Variants in PRSS55 observed in about 807,000 individuals in gnomAD.
The protein encoded by PRSS55 is serine protease 55.
Under a neutral mutation model 23.6 loss-of-function variants are expected in PRSS55, and 41 were observed. The observed-to-expected ratio is 1.74, with a 90% CI of 1.35 to 2.26. PRSS55 has a LOEUF of 2.26. Among genes scored for constraint, PRSS55 ranks in the 30% most tolerant of loss-of-function variants. PRSS55 has a pLI of 0.00. For synonymous variants in PRSS55, 262 were observed against 175.5 expected, an observed-to-expected ratio of 1.49 and a Z score of -3.90; for missense variants, 669 against 439.1, an observed-to-expected ratio of 1.52 and a Z score of -4.68.
chr8:10,536,688 A>ACCG (rs1812467161), intron 4 of PRSS55, among the ~76,000 whole-genome samples: 14 of 143,398 alleles, frequency 9.8e-5, no homozygotes, highest in Admixed American at 3.6e-4. Context: ...GAAGCCATAA[A>ACCG]AAAAAACAAA....
intron 3 of PRSS55, 182 bp downstream of exon 3, chr8:10,531,727 C>A (rs1357475083): frequency 2.8e-6 from 2 of 721,404 alleles, no homozygotes; most frequent in African/African-American, 3.6e-5. Context: ...GACACCAGGT[C>A]TGAGCCAGTC....
chr8:10,543,472 CTTTCTCTCTTTT>C (rs1812725511), downstream of PRSS55, among the ~76,000 whole-genome samples: 1 of 29,212 alleles, frequency 3.4e-5, no homozygotes, highest in Non-Finnish European at 1.0e-4. Flanking sequence ...TCCTTTCTTT[CTTTCTCTCTTTT>C]TTTTTTTTTT....
At chr8:10,543,423 T>TTC (rs1812717370), downstream of PRSS55, among the ~76,000 whole-genome samples, 1 of 71,474 alleles carries the variant, frequency 1.4e-5, no homozygotes, top group Admixed American at 1.4e-4. Context: ...CTTCTTTCTT[T>TTC]CTTCCTTCCT....
chr8:10,536,514 G>C (rs1308635085), intron 4 of PRSS55, among the ~76,000 whole-genome samples: 1 of 152,098 alleles, frequency 6.6e-6, no homozygotes, highest in Non-Finnish European at 1.5e-5. Context: ...CTCAATACTG[G>C]TACAGACCGA....
intron 2 of PRSS55, among the ~76,000 whole-genome samples, chr8:10,530,747 T>C (rs1038926525): frequency 2.0e-5 from 3 of 152,180 alleles, no homozygotes; most frequent in Non-Finnish European, 2.9e-5. Flanking sequence ...AGTTTCTTCA[T>C]GGCATAACCA....
Position 10,531,322 on chromosome 8 carries a change from G to T in PRSS55, c.375G>T (p.Gly125=). 3 of 1,614,068 alleles carry T rather than the reference G, an allele frequency of 1.9e-6. No homozygotes were observed. Among genetic ancestry groups the T allele is most frequent in the South Asian group, 2.2e-5 (2 of 91,056 alleles). ...LFPEELSVVL[G]TNDLTSPSME... ...CAGAAGAACTGAGTGTCGTGCTGGGGACCAACGACTTAACTAGCCCATCCA... is the reference window on the plus strand; with the variant it reads ...CAGAAGAACTGAGTGTCGTGCTGGGTACCAACGACTTAACTAGCCCATCCA... Residue 125 remains glycine (G), a synonymous_variant, in exon 3 of 5, where the codon GGG becomes GGT. Coordinates refer to ENST00000328655, the MANE Select transcript of PRSS55 (RefSeq NM_198464.4).
chr8:10,526,507 G>C (rs1380141142), intron 1 of PRSS55, among the ~76,000 whole-genome samples: 4 of 152,238 alleles, frequency 2.6e-5, no homozygotes, highest in African/African-American at 9.6e-5. Flanking sequence ...CAAGGGGTGG[G>C]AGGCATGAGG....
intron 2 of PRSS55, 117 bp from the exon 3 acceptor site, chr8:10,531,178 T>C: frequency 8.0e-7 from 1 of 1,244,422 alleles, no homozygotes; most frequent in Non-Finnish European, 1.1e-6. Context: ...ACAGCCCCAG[T>C]AGGGTTTAAA....
At chr8:10,535,434 C>A (rs1369862474) in intron 4 of PRSS55, among the ~76,000 whole-genome samples, 7 of 152,306 alleles carry the variant, frequency 4.6e-5, no homozygotes, top group Middle Eastern at 3.4e-3. Context: ...ACCATCTGAT[C>A]TTCATCAAAG....
At chr8:10,550,603 C>G (rs1812930483) in intron 4 of PRSS55, among the ~76,000 whole-genome samples, 1 of 152,168 alleles carries the variant, frequency 6.6e-6, no homozygotes, top group African/African-American at 2.4e-5. Context: ...TCTGCCTCCC[C>G]ACTTCTGAGA....
At position 10,538,645 on chromosome 8, in the gene PRSS55, G is replaced by C. The variant is rs1227505298; in HGVS notation, c.911G>C (p.Arg304Thr). 6.2e-7 allele frequency: 1 copy of C among 1,614,168 alleles called. No individual in the cohort carries two copies. Among genetic ancestry groups the C allele is most frequent in the South Asian group, 1.1e-5 (1 of 91,072 alleles). Residue 304 changes from arginine (R) to threonine (T), a missense_variant, in exon 5 of 5, where the codon AGG becomes ACG. Physicochemically the swap from Arg to Thr is moderately conservative, Grantham distance 71 (BLOSUM62 -1). Coordinates refer to ENST00000328655, the MANE Select transcript of PRSS55 (RefSeq NM_198464.4). The stretch of plus-strand genomic sequence containing the variant: ...GAGAAAGTGACCCAGCTAGAGGGCA[G>C]GCCCTTCAATGCAGAGAAAAGGAGG... ...WIEKVTQLEG[R>T]PFNAEKRRTS...
downstream of PRSS55, among the ~76,000 whole-genome samples, chr8:10,542,644 G>A (rs962715405): frequency 2.6e-5 from 4 of 151,850 alleles, no homozygotes; most frequent in Non-Finnish European, 4.4e-5. Flanking sequence ...GAGGCAGGTG[G>A]ATCACCTGAG....
chr8:10,538,405 T>C, intron 4 of PRSS55, 71 bp from the exon 5 acceptor site: 1 of 1,202,478 alleles, frequency 8.3e-7, no homozygotes, highest in Non-Finnish European at 1.2e-6. Context: ...CTTCCATGAA[T>C]GAGCTGTGCC....
At chr8:10,545,748 G>A (rs1378624970) in intron 4 of PRSS55, among the ~76,000 whole-genome samples, 1 of 152,202 alleles carries the variant, frequency 6.6e-6, no homozygotes, top group Non-Finnish European at 1.5e-5. Context: ...GTTATTCATT[G>A]TCTTGAGCAG....
chr8:10,534,955 A>C (rs932019360), intron 4 of PRSS55, among the ~76,000 whole-genome samples: 1 of 152,196 alleles, frequency 6.6e-6, no homozygotes, highest in African/African-American at 2.4e-5. Context: ...CAAAAATGCA[A>C]TCCCATTCAC....
At chr8:10,547,179 C>G (rs1009409774) in intron 4 of PRSS55, among the ~76,000 whole-genome samples, 1 of 152,186 alleles carries the variant, frequency 6.6e-6, no homozygotes, top group African/African-American at 2.4e-5. Flanking sequence ...ACCCTTGTCA[C>G]TCGACAACCT....
chr8:10,529,552 G>C lies in PRSS55; in HGVS notation c.200G>C (p.Arg67Thr). The C allele has an allele frequency of 6.2e-7, 1 of 1,614,228 alleles. No individual in the cohort carries two copies. Among genetic ancestry groups the C allele is most frequent in the Non-Finnish European group, 8.5e-7 (1 of 1,180,036 alleles). The change falls in exon 2 of 5, where the codon AGA becomes ACA. Residue 67 changes from arginine to threonine, a missense_variant. By Grantham distance (71) the Arg-to-Thr change is moderately conservative. Transcript: ENST00000328655. ...SIFEGRTRYS[R>T]ITGGMEAEVG... is the part of the protein sequence containing the mutation. Reference sequence around the variant, plus strand: ...TTCGAGGGAAGAACTCGGTATTCCAGAATCACAGGGGGGATGGAGGCGGAG... The same window carrying C: ...TTCGAGGGAAGAACTCGGTATTCCACAATCACAGGGGGGATGGAGGCGGAG...
chr8:10,525,787 T>A (rs907643887), intron 1 of PRSS55, 48 bp downstream of exon 1: 2 of 1,529,296 alleles, frequency 1.3e-6, no homozygotes, highest in Admixed American at 2.0e-5. Context: ...ATGGTCCAGC[T>A]GACTGGCTGC....
intron 3 of PRSS55, among the ~76,000 whole-genome samples, chr8:10,532,700 G>C (rs1812312184): frequency 6.6e-6 from 1 of 152,170 alleles, no homozygotes; most frequent in Admixed American, 6.5e-5. Context: ...TGAATGAGAA[G>C]AATAGTTCCA....
Sources: gnomAD v4.1 joint callset for allele counts (sites outside exome capture counted in the v4.1 genomes callset) on GRCh38, gnomAD v4.1.1 for gene constraint, MANE v1.5 for transcripts, NCBI Gene and HGNC (gene_info 2026-07-23, HGNC 2026-07-21) for gene names.